EXOC4: variants seen among roughly 807,000 people sequenced by gnomAD.
EXOC4 encodes the protein exocyst complex component 4.
In EXOC4, 71 loss-of-function variants were observed where a neutral mutation model predicts 107.2. The observed-to-expected ratio is 0.66, with a 90% CI of 0.55 to 0.81. EXOC4 has a LOEUF of 0.81. Ranked by LOEUF, EXOC4 falls within the 30% of genes least tolerant of loss-of-function variation. The pLI is 0.00. For missense variants in EXOC4, 1,108 were observed against 1,189.6 expected (o/e 0.93, Z 1.01); for synonymous variants, 456 against 441.2 (o/e 1.03, Z -0.42).
At chr7:133,766,478 C>G (rs962867519) in intron 10 of EXOC4, among the ~76,000 whole-genome samples, 2 of 151,904 alleles carry the variant, frequency 1.3e-5, no homozygotes, top group Admixed American at 6.6e-5. Flanking sequence ...GTTGAAAAAT[C>G]TTTATCTACC....
intron 13 of EXOC4, among the ~76,000 whole-genome samples, chr7:133,923,150 G>A (rs990369760): frequency 8.0e-6 from 1 of 124,942 alleles, no homozygotes; most frequent in Admixed American, 8.2e-5. Flanking sequence ...TTTTTTTTGA[G>A]ACAGAGTTTC....
intron 9 of EXOC4, 183 bp downstream of exon 9, chr7:133,480,321 G>A: frequency 1.4e-6 from 2 of 1,424,204 alleles, no homozygotes; most frequent in East Asian, 2.6e-5. Context: ...TATTACTGTG[G>A]CCATAGGACT....
chr7:133,679,074 C>T (rs1794128422), intron 10 of EXOC4, among the ~76,000 whole-genome samples: 1 of 152,178 alleles, frequency 6.6e-6, no homozygotes, highest in African/African-American at 2.4e-5. Context: ...TAAGGCCCAT[C>T]ACATATTTAT....
chr7:133,255,849 C>T (rs964656988), intron 1 of EXOC4, among the ~76,000 whole-genome samples: 48 of 152,198 alleles, frequency 3.2e-4, no homozygotes, highest in Admixed American at 1.2e-3. Flanking sequence ...GAGAGTCCTG[C>T]GGGTAAGAGA....
At chr7:133,825,720 T>G (rs1313041042) in intron 11 of EXOC4, among the ~76,000 whole-genome samples, 1 of 152,216 alleles carries the variant, frequency 6.6e-6, no homozygotes, top group Admixed American at 6.5e-5. Flanking sequence ...AGCCAGTTGT[T>G]GCCCTTCCAC....
chr7:133,317,416 A>T, intron 5 of EXOC4, 26 bp downstream of exon 5: 1 of 1,483,128 alleles, frequency 6.7e-7, no homozygotes, highest in Non-Finnish European at 9.4e-7. Context: ...TTCAGCCACT[A>T]AGCTTTTTAG....
At chr7:133,322,223 A>G (rs1003633544) in intron 5 of EXOC4, among the ~76,000 whole-genome samples, 2 of 152,108 alleles carry the variant, frequency 1.3e-5, no homozygotes, top group South Asian at 2.1e-4. Flanking sequence ...CTTTAGTTTA[A>G]TTAGATCCCA....
chr7:133,749,386 T>C (rs984927016), intron 10 of EXOC4, among the ~76,000 whole-genome samples: 21 of 152,136 alleles, frequency 1.4e-4, no homozygotes, highest in African/African-American at 5.1e-4. Context: ...AAAATGTGAC[T>C]TAATTGTTTT....
At chr7:133,512,056 G>A (rs1334280109) in intron 9 of EXOC4, among the ~76,000 whole-genome samples, 1 of 152,182 alleles carries the variant, frequency 6.6e-6, no homozygotes, top group Non-Finnish European at 1.5e-5. Context: ...TTACAGTCTA[G>A]CAGGGGAAAT....
chr7:133,788,482 A>T (rs936720314), intron 10 of EXOC4, among the ~76,000 whole-genome samples: 1 of 151,760 alleles, frequency 6.6e-6, no homozygotes. Context: ...TCTTTATGTC[A>T]TGCTCAAAAC....
intron 11 of EXOC4, among the ~76,000 whole-genome samples, chr7:133,861,616 C>T (rs1798535236): frequency 6.6e-6 from 1 of 152,098 alleles, no homozygotes; most frequent in African/African-American, 2.4e-5. Flanking sequence ...CTCACTGCAA[C>T]CTCTGCCTTC....
chr7:133,742,014 G>A (rs539224054), intron 10 of EXOC4, among the ~76,000 whole-genome samples: 8 of 152,244 alleles, frequency 5.3e-5, no homozygotes, highest in African/African-American at 4.8e-5. Flanking sequence ...GAATTGTCAC[G>A]TTGTAGTGAA....
intron 9 of EXOC4, among the ~76,000 whole-genome samples, chr7:133,498,014 G>GC (rs1156239132): frequency 2.6e-5 from 4 of 152,066 alleles, no homozygotes. Flanking sequence ...TGTGATGATA[G>GC]CCCCCTGAGG....
chr7:133,254,299 T>G (rs531074774), intron 1 of EXOC4, among the ~76,000 whole-genome samples: 1 of 152,212 alleles, frequency 6.6e-6, no homozygotes, highest in African/African-American at 2.4e-5. Context: ...TCTTTTGGGC[T>G]TAAGAGAAAA....
intron 10 of EXOC4, among the ~76,000 whole-genome samples, chr7:133,807,606 A>G (rs1797110169): frequency 6.6e-6 from 1 of 152,176 alleles, no homozygotes; most frequent in Non-Finnish European, 1.5e-5. Flanking sequence ...AAAAATAAAG[A>G]AAGAAAGAAG....
rs966293267 is a variant in EXOC4 at position 133,885,186 on chromosome 7, C to T, written c.1735-10413C>T. On this transcript the variant is annotated intron_variant, in intron 11 of 17. Coordinates refer to ENST00000253861, the MANE Select transcript of EXOC4 (RefSeq NM_021807.4). ...AAAATTAGCCAGGTGTGGTGGCACG[C>T]GCCTGTAGTCCCAGCTACTCGGGAG... Among the ~76,000 whole-genome samples the T allele has an allele frequency of 4.6e-5, 7 of 151,958 alleles. No homozygotes were observed. The East Asian group carries it at 9.7e-4, about 21-fold the overall frequency.
chr7:133,954,949 G>A (rs1800779895), intron 14 of EXOC4, among the ~76,000 whole-genome samples: 1 of 152,240 alleles, frequency 6.6e-6, no homozygotes, highest in Admixed American at 6.5e-5. Flanking sequence ...AGGGAACACG[G>A]TGGTACACGG....
intron 7 of EXOC4, among the ~76,000 whole-genome samples, chr7:133,474,081 A>G (rs938075008): frequency 8.5e-5 from 13 of 152,190 alleles, no homozygotes; most frequent in East Asian, 1.9e-4. Flanking sequence ...ACATTGTGTT[A>G]TTATTGATAG....
chr7:134,080,791 T>A, the EXOC4 span, among the ~76,000 whole-genome samples: 2 of 151,638 alleles, frequency 1.3e-5, no homozygotes, highest in South Asian at 4.2e-4. Context: ...TATATATATA[T>A]AAAAATTAGC....
Sources: allele counts gnomAD v4.1 joint callset (sites outside exome capture counted in the v4.1 genomes callset), GRCh38; gene constraint gnomAD v4.1.1; transcripts MANE v1.5; gene names NCBI Gene and HGNC (gene_info 2026-07-23, HGNC 2026-07-21).